DYNC1H1: variants seen among roughly 807,000 people sequenced by gnomAD.
The protein encoded by DYNC1H1 is cytoplasmic dynein 1 heavy chain 1.
A neutral mutation model predicts 527.1 loss-of-function variants in DYNC1H1; 51 were observed. The ratio of observed to expected loss-of-function variants is 0.10; its 90% confidence interval spans 0.08 to 0.12. DYNC1H1 has a LOEUF of 0.12. Ranked by LOEUF, DYNC1H1 falls within the 10% of genes least tolerant of loss-of-function variation. DYNC1H1 has a pLI of 1.00. For synonymous variants in DYNC1H1, 2,189 were observed against 2,278.8 expected (o/e 0.96, Z 1.12); for missense variants, 2,771 against 5,971.8 (o/e 0.46, Z 17.66).
In DYNC1H1 at chr14:102,001,488, T is replaced by C; in HGVS notation, c.4396-47T>C. The C allele has an allele frequency of 6.2e-7, 1 of 1,614,136 alleles. No individual in the cohort carries two copies. The highest frequency in any genetic ancestry group is 8.5e-7 in the Non-Finnish European group (1 of 1,180,006). ...AATGCTGGGTCCCTTGTGCAGGTAG[T>C]GAATGCCCACATATTGATAACATGC... is the stretch of plus-strand genomic sequence containing the variant. On this transcript the variant is annotated intron_variant, in intron 20 of 77. Transcript: ENST00000360184. The surrounding 1 kb of genome is among the most constrained non-coding windows in gnomAD (Gnocchi z 5.0).
intron 18 of DYNC1H1, 90 bp from the exon 19 acceptor site, chr14:102,000,864 C>G: frequency 8.1e-7 from 1 of 1,230,180 alleles, no homozygotes; most frequent in Admixed American, 1.7e-5. Context: ...TGAGCCACCG[C>G]GCCTGGCCTG....
chr14:102,011,747 G>A lies in DYNC1H1; in HGVS notation c.6619-128G>A, dbSNP rs1202542731. The A allele has an allele frequency of 1.5e-5, 15 of 1,005,310 alleles. No homozygotes were observed. Among genetic ancestry groups the A allele is most frequent in the African/African-American group, 8.0e-5 (5 of 62,338 alleles). The allele number at this position is 1,005,310 out of a possible 1,614,324, so 62.3% of individuals were successfully genotyped here. On this transcript the variant is annotated intron_variant, in intron 32 of 77. Coordinates refer to ENST00000360184, the MANE Select transcript of DYNC1H1 (RefSeq NM_001376.5). The surrounding 1 kb of genome is among the most constrained non-coding windows in gnomAD (Gnocchi z 5.3). Reference sequence around the variant, plus strand: ...AGTCTGGGTGACAGAGAGAGACTCCGTTTCAGGAAAAAAAAAAAAATCCAC... The same window carrying A: ...AGTCTGGGTGACAGAGAGAGACTCCATTTCAGGAAAAAAAAAAAAATCCAC...
Position 102,049,880 on chromosome 14 carries a change from C to T in DYNC1H1, c.13682C>T (p.Thr4561Met), listed in dbSNP as rs1376784009. Residue 4561 changes from threonine (T) to methionine (M), a missense_variant and splice_region_variant, in exon 76 of 78, where the codon ACG becomes ATG. Coordinates refer to ENST00000360184, the MANE Select transcript of DYNC1H1 (RefSeq NM_001376.5). This position sits in a 1 kb window ranked among gnomAD's most constrained non-coding sequence, Gnocchi z 5.5. ...ATLDACSFGV[T>M]GLKLQGATCN... is the part of the protein sequence containing the mutation. The stretch of plus-strand genomic sequence containing the variant: ...CTTGACGCTTGCAGCTTCGGAGTCA[C>T]GGGTGAGTGGAGTCTCACAGAAAAT... 4.3e-6 allele frequency: 7 copies of T among 1,613,764 alleles called. No individual in the cohort carries two copies. Among genetic ancestry groups the T allele is most frequent in the South Asian group, 2.2e-5 (2 of 91,088 alleles).
chr14:101,984,061 G>A (rs1003639095), intron 7 of DYNC1H1, among the ~76,000 whole-genome samples: 5 of 152,042 alleles, frequency 3.3e-5, no homozygotes, highest in East Asian at 3.9e-4. Context: ...TTCGCCTCCC[G>A]GGCTCAAGCA....
At position 101,964,725 on chromosome 14, in the gene DYNC1H1, G is replaced by C. The variant is rs2047643021; in HGVS notation, c.34G>C (p.Gly12Arg). 6.3e-7 allele frequency: 1 copy of C among 1,596,256 alleles called. No individual in the cohort carries two copies. Among genetic ancestry groups the C allele is most frequent in the Non-Finnish European group, 8.5e-7 (1 of 1,175,682 alleles). Residue 12 changes from glycine to arginine, a missense_variant, in exon 1 of 78, where the codon GGC (glycine) becomes CGC (arginine). Coordinates refer to ENST00000360184, the MANE Select transcript of DYNC1H1 (RefSeq NM_001376.5). The surrounding 1 kb of genome is among the most constrained non-coding windows in gnomAD (Gnocchi z 5.5). Reference protein sequence around the residue: ...SEPGGGGGEDGSAGLEVSAVQ... With the variant: ...SEPGGGGGEDRSAGLEVSAVQ... ...GCCCGGGGGCGGCGGCGGCGAGGAC[G>C]GCTCGGCCGGATTGGAAGTGTCGGC...
In DYNC1H1 at chr14:101,979,648, G is replaced by T; in HGVS notation, c.519-71G>T. On this transcript the variant is annotated intron_variant, in intron 3 of 77. Coordinates refer to ENST00000360184, the MANE Select transcript of DYNC1H1 (RefSeq NM_001376.5). This position sits in a 1 kb window ranked among gnomAD's most constrained non-coding sequence, Gnocchi z 4.6. Reference sequence around the variant, plus strand: ...ATATGTGTGTCATTACTATTTGACAGACCTGAAATGATGGGATCTCTTTGG... The same window carrying T: ...ATATGTGTGTCATTACTATTTGACATACCTGAAATGATGGGATCTCTTTGG... 6.2e-7 allele frequency: 1 copy of T among 1,610,672 alleles called. No homozygotes were observed.
Position 102,047,913 on chromosome 14 carries a change from C to T in DYNC1H1, c.13103C>T (p.Ser4368Phe), listed in dbSNP as rs779525425. 1 of 1,613,562 alleles carries T rather than the reference C, an allele frequency of 6.2e-7. No homozygotes were observed. The highest frequency in any genetic ancestry group is 1.3e-5 in the African/African-American group (1 of 74,836). Residue 4368 changes from serine to phenylalanine, a missense_variant, in exon 73 of 78, where the codon TCC becomes TTC. Physicochemically the swap from Ser to Phe is radical, Grantham distance 155. This residue lies in a region of DYNC1H1 where 170 missense variants were observed against 249.8 expected (regional missense o/e 0.68). Coordinates refer to ENST00000360184, the MANE Select transcript of DYNC1H1 (RefSeq NM_001376.5). ...ACTGAGAAGAAGACGAGGACAGACT[C>T]CACGTCCGACGGGCGCCCTGCCTGG... is the stretch of plus-strand genomic sequence containing the variant. ...AETEKKTRTD[S>F]TSDGRPAWMR...
chr14:102,023,635 G>C (rs1305652560), intron 43 of DYNC1H1: 1 of 155,120 alleles, frequency 6.4e-6, no homozygotes, highest in Non-Finnish European at 1.4e-5. Context: ...GATCACTTGA[G>C]GTCAGGGGTT....
intron 11 of DYNC1H1, among the ~76,000 whole-genome samples, chr14:101,992,489 TG>T (rs2048008789): frequency 6.6e-6 from 1 of 152,226 alleles, no homozygotes; most frequent in Non-Finnish European, 1.5e-5. Flanking sequence ...TGTTTCTATT[TG>T]CATTGTTCTC....
chr14:101,994,062 C>T, intron 11 of DYNC1H1, 122 bp from the exon 12 acceptor site: 1 of 1,412,296 alleles, frequency 7.1e-7, no homozygotes, highest in Admixed American at 1.7e-5. Flanking sequence ...TGGATGTTAT[C>T]CCTTAAATGC....
rs762030517 is a variant in DYNC1H1 at position 102,002,762 on chromosome 14, G to A, written c.4710-30G>A. ...GCGGCTAGTGACTACTCTACACAAA[G>A]GCTGACGCATGTTTTAATTTCATTT... On this transcript the variant is annotated intron_variant, in intron 22 of 77. Coordinates refer to ENST00000360184, the MANE Select transcript of DYNC1H1 (RefSeq NM_001376.5). The surrounding 1 kb of genome is among the most constrained non-coding windows in gnomAD (Gnocchi z 4.4). 1.1e-5 allele frequency: 17 copies of A among 1,614,080 alleles called. No individual in the cohort carries two copies. The highest frequency in any genetic ancestry group is 3.3e-5 in the South Asian group (3 of 91,068).
Position 102,015,799 on chromosome 14 carries a change from G to C in DYNC1H1, c.7243-57G>C. 1 of 1,587,222 alleles carries C rather than the reference G, an allele frequency of 6.3e-7. No individual in the cohort carries two copies. The highest frequency in any genetic ancestry group is 8.6e-7 in the Non-Finnish European group (1 of 1,161,888). On this transcript the variant is annotated intron_variant, in intron 35 of 77. Coordinates refer to ENST00000360184, the MANE Select transcript of DYNC1H1 (RefSeq NM_001376.5). This position sits in a 1 kb window ranked among gnomAD's most constrained non-coding sequence, Gnocchi z 6.9. Reference sequence around the variant, plus strand: ...CTTCTCCTGGGACCAGGTTAGAATCGATGAAACTCGCCTGCCTTTTGAAAG... The same window carrying C: ...CTTCTCCTGGGACCAGGTTAGAATCCATGAAACTCGCCTGCCTTTTGAAAG...
At chr14:101,996,130 CTTTTCTTTTT>C (rs1207313032) in intron 15 of DYNC1H1, among the ~76,000 whole-genome samples, 14 of 150,668 alleles carry the variant, frequency 9.3e-5, no homozygotes, top group African/African-American at 3.4e-4. Context: ...CTTTTCTTTT[CTTTTCTTTTT>C]TTTTTTTGAG....
At chr14:101,992,366 C>T (rs1420728937) in intron 11 of DYNC1H1, among the ~76,000 whole-genome samples, 1 of 152,166 alleles carries the variant, frequency 6.6e-6, no homozygotes, top group African/African-American at 2.4e-5. Flanking sequence ...TAATGCTGGG[C>T]ACTGTCCAGC....
chr14:102,019,631 T>C (rs1271841293), intron 41 of DYNC1H1, among the ~76,000 whole-genome samples: 1 of 152,226 alleles, frequency 6.6e-6, no homozygotes, highest in Non-Finnish European at 1.5e-5. Flanking sequence ...AGACGGAGTC[T>C]CACTCTGTCG....
chr14:101,980,359 C>T lies in DYNC1H1; in HGVS notation c.775-5C>T. The stretch of plus-strand genomic sequence containing the variant: ...ATACCCTTGGGTGTTATTTTATTTT[C>T]AAAGGTGACCAAACTGGATCGAGAT... On this transcript the variant is annotated splice_region_variant and splice_polypyrimidine_tract_variant and intron_variant, in intron 4 of 77. Coordinates refer to ENST00000360184, the MANE Select transcript of DYNC1H1 (RefSeq NM_001376.5). The T allele has an allele frequency of 6.2e-7, 1 of 1,613,998 alleles. No individual in the cohort carries two copies. Among genetic ancestry groups the T allele is most frequent in the Non-Finnish European group, 8.5e-7 (1 of 1,180,024 alleles).
In DYNC1H1 at chr14:102,036,501, C is replaced by A; in HGVS notation, c.10767C>A (p.Ile3589=). ...MLKRFNRYPL[I]IDPSGQATEF... is the part of the protein sequence containing the mutation. ...GCCTCATCCTCAGGTATCCGCTGAT[C>A]ATTGACCCCTCTGGACAGGCCACAG... is the stretch of plus-strand genomic sequence containing the variant. Residue 3589 remains isoleucine (I), a synonymous_variant, in exon 57 of 78, where the codon ATC becomes ATA. Coordinates refer to ENST00000360184, the MANE Select transcript of DYNC1H1 (RefSeq NM_001376.5). This position sits in a 1 kb window ranked among gnomAD's most constrained non-coding sequence, Gnocchi z 5.6. 6.2e-7 allele frequency: 1 copy of A among 1,613,886 alleles called. No individual in the cohort carries two copies. Among genetic ancestry groups the A allele is most frequent in the South Asian group, 1.1e-5 (1 of 91,050 alleles).
In DYNC1H1 at chr14:102,043,937, A is replaced by G. The variant is rs765728188; in HGVS notation, c.12576A>G (p.Glu4192=). The change falls in exon 70 of 78, where the codon GAA becomes GAG. Residue 4192 remains glutamate, a synonymous_variant. Transcript: ENST00000360184. ...LLAWFHAIIQ[E]RLRYAPLGWS... The stretch of plus-strand genomic sequence containing the variant: ...CCTGGTTTCATGCGATCATCCAAGA[A>G]CGCTTACGATACGCACCACTGGGGT... 1.9e-5 allele frequency: 30 copies of G among 1,614,076 alleles called. No homozygotes were observed. The highest frequency in any genetic ancestry group is 1.4e-4 in the South Asian group (13 of 91,090).
chr14:102,011,084 G>C lies in DYNC1H1; in HGVS notation c.6618+132G>C, dbSNP rs775218609. 2.6e-5 allele frequency: 26 copies of C among 993,690 alleles called. No individual in the cohort carries two copies. Among genetic ancestry groups the C allele is most frequent in the Non-Finnish European group, 4.1e-5 (26 of 632,302 alleles). 61.6% of individuals were successfully genotyped at this position (993,690 alleles called of 1,614,324 possible). On this transcript the variant is annotated intron_variant, in intron 32 of 77. Coordinates refer to ENST00000360184, the MANE Select transcript of DYNC1H1 (RefSeq NM_001376.5). This position sits in a 1 kb window ranked among gnomAD's most constrained non-coding sequence, Gnocchi z 5.3. Reference sequence around the variant, plus strand: ...GGAGGTGCATAATATGCTTTATGAAGATTTGCCCAAGGCCTATTTGAATTT... The same window carrying C: ...GGAGGTGCATAATATGCTTTATGAACATTTGCCCAAGGCCTATTTGAATTT...
Sources: gnomAD v4.1 joint callset for allele counts (sites outside exome capture counted in the v4.1 genomes callset) on GRCh38, gnomAD v4.1.1 for gene constraint, gnomAD v4.1.1 regional missense constraint, Gnocchi (gnomAD v3.1) non-coding constraint, MANE v1.5 for transcripts, NCBI Gene and HGNC (gene_info 2026-07-23, HGNC 2026-07-21) for gene names.